DDX60: variants seen among roughly 807,000 people sequenced by gnomAD.
DDX60 encodes the protein DExD/H-box helicase 60.
DDX60 carries 165 observed loss-of-function variants against 212.8 expected under a neutral mutation model. That is an observed-to-expected ratio of 0.78 (90% confidence interval 0.68 to 0.88). DDX60 has a LOEUF of 0.88. Ranked by LOEUF, DDX60 falls within the 40% of genes least tolerant of loss-of-function variation. The pLI is 0.00. For synonymous variants in DDX60, 703 were observed against 685.3 expected, an observed-to-expected ratio of 1.03 and a Z score of -0.40; for missense variants, 1,905 against 2,003.9, an observed-to-expected ratio of 0.95 and a Z score of 0.94.
At chr4:168,225,963 C>T (rs997844830) in intron 33 of DDX60, among the ~76,000 whole-genome samples, 3 of 151,952 alleles carry the variant, frequency 2.0e-5, no homozygotes, top group Non-Finnish European at 4.4e-5. Flanking sequence ...CCTCAAATAA[C>T]ATTAGACTTG....
At chr4:168,277,337 C>T (rs1211734031) in intron 14 of DDX60, among the ~76,000 whole-genome samples, 1 of 152,118 alleles carries the variant, frequency 6.6e-6, no homozygotes, top group African/African-American at 2.4e-5. Context: ...TCCTGGGTGC[C>T]TCATCGTTTT....
At chr4:168,255,934 C>CA (rs895267382) in intron 25 of DDX60, 65 bp from the exon 26 acceptor site, 2 of 1,475,818 alleles carry the variant, frequency 1.4e-6, no homozygotes, top group African/African-American at 2.9e-5. Context: ...ACCATATTTC[C>CA]ATCTACTACT....
At position 168,221,854 on chromosome 4, in the gene DDX60, G is replaced by T; in HGVS notation, c.4852C>A (p.Arg1618Ser). The T allele has an allele frequency of 2.5e-6, 4 of 1,612,782 alleles. No homozygotes were observed. The highest frequency in any genetic ancestry group is 1.1e-5 in the South Asian group (1 of 90,928). ...GACAACAGCACTGGAGCCTGAGAGC[G>T]ATTGACACCGATTGTGCCTAGAGTA... ...HVTLGTIGVNRSQAPVLLSQK... is the reference protein window; with the variant it reads ...HVTLGTIGVNSSQAPVLLSQK... The change falls in exon 36 of 38, where the codon CGC becomes AGC. Residue 1618 changes from arginine (R) to serine (S), a missense_variant. Physicochemically the swap from Arg to Ser is moderately radical, Grantham distance 110 (BLOSUM62 -1). Transcript: ENST00000393743.
intron 7 of DDX60, 136 bp from the exon 8 acceptor site, chr4:168,292,042 TTTC>T (rs1736129481): frequency 2.0e-6 from 1 of 488,548 alleles, no homozygotes; most frequent in African/African-American, 2.8e-5. Context: ...TCTTTCTTTC[TTTC>T]TTTCTTTTTT....
At chr4:168,236,065 T>G (rs1323358114) in intron 33 of DDX60, 187 bp downstream of exon 33, 3 of 482,078 alleles carry the variant, frequency 6.2e-6, no homozygotes, top group Non-Finnish European at 1.1e-5. Flanking sequence ...TTTAACTTTT[T>G]GGTAGATTTA....
In DDX60 at chr4:168,248,173, T is replaced by C. The variant is rs753253519; in HGVS notation, c.3963+15A>G. ...TTCAGCAATACAATAAGCAAGTTTA[T>C]GCATTTTGCAATACCTGTCTATAAT... On this transcript the variant is annotated intron_variant, in intron 29 of 37. Coordinates refer to ENST00000393743, the MANE Select transcript of DDX60 (RefSeq NM_017631.6). 3.8e-6 allele frequency: 6 copies of C among 1,559,916 alleles called. No individual in the cohort carries two copies. The highest frequency in any genetic ancestry group is 1.9e-5 in the Admixed American group (1 of 53,874).
chr4:168,262,192 T>C (rs1174016738), intron 23 of DDX60, 64 bp from the exon 24 acceptor site: 3 of 1,516,634 alleles, frequency 2.0e-6, no homozygotes, highest in Non-Finnish European at 2.6e-6. Flanking sequence ...TATTTCTCAA[T>C]TATATGCCTC....
rs780727215 is a variant in DDX60 at position 168,216,931 on chromosome 4, T to C, written c.*2A>G. ...TTTAAGTGGTTTGCATAGACTTTGT[T>C]TTTAGACTTTGTTTAACTTTTCCCA... On this transcript the variant is annotated 3_prime_UTR_variant, in exon 38 of 38. Transcript: ENST00000393743. The C allele has an allele frequency of 6.3e-7, 1 of 1,588,226 alleles. No individual in the cohort carries two copies. The highest frequency in any genetic ancestry group is 1.2e-5 in the South Asian group (1 of 86,564).
At chr4:168,266,176 C>G (rs371256178) in intron 22 of DDX60, among the ~76,000 whole-genome samples, 1 of 152,188 alleles carries the variant, frequency 6.6e-6, no homozygotes, top group South Asian at 2.1e-4. Context: ...TAGTTAAGTT[C>G]TCTATGCCTC....
At chr4:168,283,376 G>T in intron 13 of DDX60, 70 bp downstream of exon 13, 1 of 1,360,430 alleles carries the variant, frequency 7.4e-7, no homozygotes. Flanking sequence ...ACCACCAAAG[G>T]GATAACACAT....
intron 22 of DDX60, chr4:168,263,758 G>A (rs888844211): frequency 1.3e-5 from 2 of 152,098 alleles, no homozygotes; most frequent in African/African-American, 4.8e-5. Flanking sequence ...CTTGACCTTG[G>A]ACTTCCCAGC....
intron 8 of DDX60, among the ~76,000 whole-genome samples, chr4:168,288,528 A>G (rs1416993529): frequency 1.3e-5 from 2 of 152,206 alleles, no homozygotes; most frequent in Non-Finnish European, 2.9e-5. Flanking sequence ...TGCATTCTGT[A>G]TAGTTCTTTA....
chr4:168,318,363 C>T (rs982730867), intron 1 of DDX60, among the ~76,000 whole-genome samples: 1 of 152,246 alleles, frequency 6.6e-6, no homozygotes, highest in African/African-American at 2.4e-5. Context: ...AAATGCCTAA[C>T]TAAGCACTCC....
chr4:168,291,318 G>C (rs1736091267), intron 8 of DDX60, among the ~76,000 whole-genome samples: 1 of 152,140 alleles, frequency 6.6e-6, no homozygotes, highest in Non-Finnish European at 1.5e-5. Flanking sequence ...TAAAATGGTA[G>C]ACCTCCGGGG....
intron 30 of DDX60, among the ~76,000 whole-genome samples, chr4:168,238,236 C>CAAAA (rs57638327): frequency 1.2e-5 from 1 of 80,888 alleles, no homozygotes. Flanking sequence ...TATGAAATTC[C>CAAAA]AAAAAAAAAA....
intron 32 of DDX60, among the ~76,000 whole-genome samples, chr4:168,236,593 A>C (rs1733638750): frequency 6.6e-6 from 1 of 151,922 alleles, no homozygotes; most frequent in African/African-American, 2.4e-5. Flanking sequence ...ATGATCCCAC[A>C]CAAATTGCCT....
intron 25 of DDX60, among the ~76,000 whole-genome samples, chr4:168,257,157 C>A (rs1734446139): frequency 6.6e-6 from 1 of 151,992 alleles, no homozygotes; most frequent in African/African-American, 2.4e-5. Context: ...ACACAGAATT[C>A]AAAAATGAGC....
chr4:168,227,346 G>A (rs1218568774), intron 33 of DDX60, among the ~76,000 whole-genome samples: 1 of 151,612 alleles, frequency 6.6e-6, no homozygotes, highest in Non-Finnish European at 1.5e-5. Context: ...CAAATACGTT[G>A]CTATAAAGTC....
chr4:168,275,704 T>C (rs547301869), intron 15 of DDX60, among the ~76,000 whole-genome samples: 1 of 152,342 alleles, frequency 6.6e-6, no homozygotes, highest in East Asian at 1.9e-4. Context: ...TATTTGTGGC[T>C]ACAACCTGAT....
Sources: gnomAD v4.1 joint callset for allele counts (sites outside exome capture counted in the v4.1 genomes callset) on GRCh38, gnomAD v4.1.1 for gene constraint, MANE v1.5 for transcripts, NCBI Gene and HGNC (gene_info 2026-07-23, HGNC 2026-07-21) for gene names.